TRMT2A: variants seen among roughly 807,000 people sequenced by gnomAD.
The protein encoded by TRMT2A is tRNA (uracil-5-)-methyltransferase homolog A.
Under a neutral mutation model 59.3 loss-of-function variants are expected in TRMT2A, and 60 were observed. The observed-to-expected ratio is 1.01, with a 90% CI of 0.82 to 1.26. TRMT2A has a LOEUF of 1.26. Ranked by LOEUF, TRMT2A falls within the 50% of genes most tolerant of loss-of-function variation. TRMT2A has a pLI of 0.00. For synonymous variants in TRMT2A, 403 were observed against 353.7 expected (o/e 1.14, Z -1.56); for missense variants, 863 against 845.2 (o/e 1.02, Z -0.26).
Position 20,116,988 on chromosome 22 carries a change from T to C in TRMT2A, c.-82A>G. On this transcript the variant is annotated 5_prime_UTR_variant, in exon 1 of 12. Transcript: ENST00000252136. ...CGTCCTGGGCCTGTCACAAGGGAAGTGGCCTGTCACAAGGGAAGTGCTCAG... is the reference window on the plus strand; with the variant it reads ...CGTCCTGGGCCTGTCACAAGGGAAGCGGCCTGTCACAAGGGAAGTGCTCAG... The C allele has an allele frequency of 6.7e-7, 1 of 1,492,188 alleles. No individual in the cohort carries two copies. Among genetic ancestry groups the C allele is most frequent in the Non-Finnish European group, 9.1e-7 (1 of 1,098,402 alleles). 92.4% of individuals were successfully genotyped at this position (1,492,188 alleles called of 1,614,324 possible).
chr22:20,117,067 G>C lies in TRMT2A; in HGVS notation c.-161C>G. On this transcript the variant is annotated 5_prime_UTR_variant, in exon 1 of 12. Transcript: ENST00000252136. ...CGCCGCGAGGTCGCCGCCACCCCCG[G>C]CTTCGCCCCAGGCGGGGCGGGACTC... is the stretch of plus-strand genomic sequence containing the variant. 1.1e-6 allele frequency: 1 copy of C among 936,272 alleles called. No homozygotes were observed. The highest frequency in any genetic ancestry group is 1.6e-6 in the Non-Finnish European group (1 of 623,380). 58.0% of individuals were successfully genotyped at this position (936,272 alleles called of 1,614,324 possible).
chr22:20,112,454 G>C lies in TRMT2A; in HGVS notation c.*109C>G. 2 of 1,375,296 alleles carry C rather than the reference G, an allele frequency of 1.5e-6. No individual in the cohort carries two copies. The highest frequency in any genetic ancestry group is 2.0e-6 in the Non-Finnish European group (2 of 1,023,814). 85.2% of individuals were successfully genotyped at this position (1,375,296 alleles called of 1,614,324 possible). A position where few individuals can be genotyped will look rare whatever the true frequency, so the allele number is the denominator to read the frequency against. On this transcript the variant is annotated 3_prime_UTR_variant, in exon 12 of 12. Coordinates refer to ENST00000252136, the MANE Select transcript of TRMT2A (RefSeq NM_022727.6). ...CAATCCTGGTGGGGCACAGGGTTCT[G>C]TGCCCTTTGGCTGCCTACCTCTGAA...
chr22:20,112,626 A>C lies in TRMT2A; in HGVS notation c.1815T>G (p.Ala605=), dbSNP rs1243228151. Residue 605 remains alanine, a synonymous_variant, in exon 12 of 12, where the codon GCT becomes GCG. Coordinates refer to ENST00000252136, the MANE Select transcript of TRMT2A (RefSeq NM_022727.6). ...TGVLGPHSPP[A]QPTPGPPDNT... ...TATCTGGGGGTCCTGGTGTGGGTTG[A>C]GCTGGAGGGCTGTGGGGCCCCAAGA... 1.2e-6 allele frequency: 2 copies of C among 1,613,990 alleles called. No individual in the cohort carries two copies. The highest frequency in any genetic ancestry group is 2.2e-5 in the East Asian group (1 of 44,876).
chr22:20,112,371 C>G lies in TRMT2A; in HGVS notation c.*192G>C. On this transcript the variant is annotated 3_prime_UTR_variant, in exon 12 of 12. Transcript: ENST00000252136. ...CCACAAAGGCCCTGGGGATGGGCAA[C>G]AGGCTACAGGAACCCACCTGTCTTC... is the stretch of plus-strand genomic sequence containing the variant. 1 of 691,892 alleles carries G rather than the reference C, an allele frequency of 1.4e-6. No individual in the cohort carries two copies. The highest frequency in any genetic ancestry group is 2.4e-6 in the Non-Finnish European group (1 of 417,126). 42.9% of individuals were successfully genotyped at this position (691,892 alleles called of 1,614,324 possible).
In TRMT2A at chr22:20,114,673, G is replaced by A; in HGVS notation, c.1134C>T (p.Ser378=). ...FVEEGQRKTP[S]QEGLPLEHVA... ...CATGCTCCAGGGGCAGGCCCTCCTG[G>A]CTAGGAGTCTTTCTGTGGGCGAAGG... Residue 378 remains serine, a synonymous_variant, in exon 7 of 12, where the codon AGC becomes AGT. Coordinates refer to ENST00000252136, the MANE Select transcript of TRMT2A (RefSeq NM_022727.6). 6.2e-7 allele frequency: 1 copy of A among 1,613,508 alleles called. No individual in the cohort carries two copies.
Position 20,113,777 on chromosome 22 carries a change from G to A in TRMT2A, c.1265C>T (p.Thr422Ile). Residue 422 changes from threonine to isoleucine, a missense_variant, in exon 8 of 12, where the codon ACA becomes ATA. Transcript: ENST00000252136. ...CAATTGGGCCCAGTCCTGGATGACT[G>A]TGTAGAGCACCTCGGCTGCGGGTGT... ...VNTPAAEVLYTVIQDWAQLDA... is the reference protein window; with the variant it reads ...VNTPAAEVLYIVIQDWAQLDA... 6.2e-7 allele frequency: 1 copy of A among 1,603,232 alleles called. No homozygotes were observed. The highest frequency in any genetic ancestry group is 8.5e-7 in the Non-Finnish European group (1 of 1,174,206).
At chr22:20,114,549 A>G (rs770082241) in intron 7 of TRMT2A, 25 bp downstream of exon 7, 1 of 1,590,794 alleles carries the variant, frequency 6.3e-7, no homozygotes, top group Non-Finnish European at 8.6e-7. Context: ...ACATGTCCCC[A>G]TGCCCACCAG....
chr22:20,113,153 A>G lies in TRMT2A; in HGVS notation c.1514T>C (p.Leu505Pro). Reference protein sequence around the residue: ...TLVSRLASQHLVAILDPPRAG... With the variant: ...TLVSRLASQHPVAILDPPRAG... The stretch of plus-strand genomic sequence containing the variant: ...ACGGGGTGGGTCCAGGATGGCCACG[A>G]GGTGCTGGGAGGCCAGTCTGCTCAC... The change falls in exon 10 of 12, where the codon CTC (leucine) becomes CCC (proline). Residue 505 changes from leucine to proline, a missense_variant. Coordinates refer to ENST00000252136, the MANE Select transcript of TRMT2A (RefSeq NM_022727.6). The G allele has an allele frequency of 6.3e-7, 1 of 1,599,000 alleles. No homozygotes were observed. Among genetic ancestry groups the G allele is most frequent in the Non-Finnish European group, 8.5e-7 (1 of 1,171,590 alleles).
Position 20,116,984 on chromosome 22 carries a change from G to C in TRMT2A, c.-78C>G, listed in dbSNP as rs1418384200. ...ACCTCGTCCTGGGCCTGTCACAAGGGAAGTGGCCTGTCACAAGGGAAGTGC... is the reference window on the plus strand; with the variant it reads ...ACCTCGTCCTGGGCCTGTCACAAGGCAAGTGGCCTGTCACAAGGGAAGTGC... On this transcript the variant is annotated 5_prime_UTR_variant, in exon 1 of 12. Coordinates refer to ENST00000252136, the MANE Select transcript of TRMT2A (RefSeq NM_022727.6). The C allele has an allele frequency of 6.7e-7, 1 of 1,495,586 alleles. No individual in the cohort carries two copies. The highest frequency in any genetic ancestry group is 2.4e-5 in the East Asian group (1 of 41,100). The allele number at this position is 1,495,586 out of a possible 1,614,324, so 92.6% of individuals were successfully genotyped here. A position where few individuals can be genotyped will look rare whatever the true frequency, so the allele number is the denominator to read the frequency against.
At position 20,112,747 on chromosome 22, in the gene TRMT2A, G is replaced by A. The variant is rs757956343; in HGVS notation, c.1694C>T (p.Pro565Leu). 18 of 1,613,688 alleles carry A rather than the reference G, an allele frequency of 1.1e-5. No individual in the cohort carries two copies. The highest frequency in any genetic ancestry group is 1.6e-4 in the Middle Eastern group (1 of 6,084). ...SNRVKGIPFR[P>L]VKAVAVDLFP... The stretch of plus-strand genomic sequence containing the variant: ...CAGGTCCACTGCCACAGCCTTGACC[G>A]GCCGGAAGGGAATGCCCTTCACCCG... The change falls in exon 12 of 12, where the codon CCG becomes CTG. Residue 565 changes from proline (P) to leucine (L), a missense_variant. Pro to Leu is a moderately conservative substitution (Grantham distance 98). Coordinates refer to ENST00000252136, the MANE Select transcript of TRMT2A (RefSeq NM_022727.6).
In TRMT2A at chr22:20,113,723, C is replaced by T. The variant is rs773596914; in HGVS notation, c.1319G>A (p.Cys440Tyr). Reference sequence around the variant, plus strand: ...CAGGCCAATGGTGCCGGTGCCACAGCACACGTCCAGCACCATGCTCCCCGC... The same window carrying T: ...CAGGCCAATGGTGCCGGTGCCACAGTACACGTCCAGCACCATGCTCCCCGC... Reference protein sequence around the residue: ...LDAGSMVLDVCCGTGTIGLAL... With the variant: ...LDAGSMVLDVYCGTGTIGLAL... The change falls in exon 8 of 12, where the codon TGC becomes TAC. Residue 440 changes from cysteine to tyrosine, a missense_variant. Cys to Tyr is a radical substitution (Grantham distance 194). Transcript: ENST00000252136. 42 of 1,606,402 alleles carry T rather than the reference C, an allele frequency of 2.6e-5. No individual in the cohort carries two copies. Among genetic ancestry groups the T allele is most frequent in the Non-Finnish European group, 3.2e-5 (38 of 1,177,242 alleles).
intron 9 of TRMT2A, 82 bp from the exon 10 acceptor site, chr22:20,113,316 G>C: frequency 1.3e-6 from 2 of 1,511,782 alleles, no homozygotes; most frequent in South Asian, 1.3e-5. Context: ...TAGCCAAAGA[G>C]CTTGCTCACT....
Position 20,117,080 on chromosome 22 carries a change from C to G in TRMT2A, c.-174G>C. The G allele has an allele frequency of 2.4e-6, 2 of 832,530 alleles. No individual in the cohort carries two copies. The highest frequency in any genetic ancestry group is 3.7e-6 in the Non-Finnish European group (2 of 535,284). 51.6% of individuals were successfully genotyped at this position (832,530 alleles called of 1,614,324 possible). ...CCGCCACCCCCGGCTTCGCCCCAGGCGGGGCGGGACTCGAACCTGCGATGC... is the reference window on the plus strand; with the variant it reads ...CCGCCACCCCCGGCTTCGCCCCAGGGGGGGCGGGACTCGAACCTGCGATGC... On this transcript the variant is annotated 5_prime_UTR_variant, in exon 1 of 12. Transcript: ENST00000252136.
At chr22:20,113,387 G>T in intron 9 of TRMT2A, 45 bp downstream of exon 9, 1 of 1,575,944 alleles carries the variant, frequency 6.3e-7, no homozygotes, top group Non-Finnish European at 8.6e-7. Context: ...AGCAGGGGTG[G>T]CGGCTGCCCC....
intron 11 of TRMT2A, 27 bp from the exon 12 acceptor site, chr22:20,112,821 G>C (rs370465983): frequency 1.2e-6 from 2 of 1,612,826 alleles, no homozygotes; most frequent in Non-Finnish European, 1.7e-6. Flanking sequence ...GGGGCGCTAA[G>C]GTCAGCCGAT....
chr22:20,113,399 A>AGGCC, intron 9 of TRMT2A, 33 bp downstream of exon 9: 4 of 713,632 alleles, frequency 5.6e-6, no homozygotes, highest in Non-Finnish European at 9.4e-6. Context: ...GGCTGCCCCC[A>AGGCC]TCCCCACCCC....
Position 20,112,418 on chromosome 22 carries a change from T to TA in TRMT2A, c.*144dup. On this transcript the variant is annotated 3_prime_UTR_variant, in exon 12 of 12. Transcript: ENST00000252136. The stretch of plus-strand genomic sequence containing the variant: ...CTTCCTGGTCAGGGCCCCTGGCCCC[T>TA]AGCAGCAGGCCAATCCTGGTGGGGC... The TA allele has an allele frequency of 8.9e-7, 1 of 1,122,412 alleles. No individual in the cohort carries two copies. 69.5% of individuals were successfully genotyped at this position (1,122,412 alleles called of 1,614,324 possible).
chr22:20,116,355 GC>G lies in TRMT2A; in HGVS notation c.281del (p.Gly94AlafsTer21), dbSNP rs1246647260. On this transcript the variant is annotated frameshift_variant, in exon 2 of 12. Transcript: ENST00000252136. LOFTEE classifies it high-confidence loss of function. Reference protein sequence around the residue: ...ASFSDVRRFLGRFGLQPHKTK... With the variant: ...ASFSDVRRFLXRFGLQPHKTK... ...TTTTGTGGGGCTGCAGACCAAAGCGGCCCAGGAAGCGCCGGACGTCGCTGAA... is the reference window on the plus strand; with the variant it reads ...TTTTGTGGGGCTGCAGACCAAAGCGGCCAGGAAGCGCCGGACGTCGCTGAA... 23 of 1,612,854 alleles carry G rather than the reference GC, an allele frequency of 1.4e-5. No individual in the cohort carries two copies. Among genetic ancestry groups the G allele is most frequent in the Non-Finnish European group, 1.8e-5 (21 of 1,179,890 alleles).
At position 20,115,644 on chromosome 22, in the gene TRMT2A, G is replaced by T. The variant is rs1189859527; in HGVS notation, c.708+28C>A. ...AAGTTTTTCAAAACCCAGGATAGGG[G>T]TTTGTGGCCACCGAAGTCTAGTCTG... On this transcript the variant is annotated intron_variant, in intron 3 of 11. Coordinates refer to ENST00000252136, the MANE Select transcript of TRMT2A (RefSeq NM_022727.6). 2.5e-6 allele frequency: 4 copies of T among 1,609,716 alleles called. 1 individual carries two copies. In the South Asian group the frequency reaches 4.4e-5, roughly 18 times the overall value.
Sources: gnomAD v4.1 joint callset for allele counts on GRCh38, gnomAD v4.1.1 for gene constraint, MANE v1.5 for transcripts, NCBI Gene and HGNC (gene_info 2026-07-23, HGNC 2026-07-21) for gene names.